PRICKLE2: variants seen among roughly 807,000 people sequenced by gnomAD.
The protein encoded by PRICKLE2 is prickle planar cell polarity protein 2, also known as prickle-like protein 2.
In PRICKLE2, 21 loss-of-function variants were observed where a neutral mutation model predicts 81.4. The observed-to-expected ratio is 0.26, with a 90% CI of 0.18 to 0.37. The LOEUF is 0.37. Ranked by LOEUF, PRICKLE2 falls within the 10% of genes least tolerant of loss-of-function variation. The probability of loss-of-function intolerance (pLI) is 1.00; values close to 1 mark genes in which losing one functional copy is unlikely to be tolerated. For missense variants in PRICKLE2, 940 were observed against 1,109.0 expected (o/e 0.85, Z 2.16); for synonymous variants, 456 against 421.5 (o/e 1.08, Z -1.00).
chr3:64,199,844 A>T (rs1167250878), intron 1 of PRICKLE2: 1 of 152,216 alleles, frequency 6.6e-6, no homozygotes, highest in Non-Finnish European at 1.5e-5. Flanking sequence ...TAGAGGAGGA[A>T]AATTTTAAGG....
Position 64,225,156 on chromosome 3 carries a change from T to C in PRICKLE2, c.-287A>G, listed in dbSNP as rs867607794. 3 of 985,338 alleles carry C rather than the reference T, an allele frequency of 3.0e-6. No homozygotes were observed. Among genetic ancestry groups the C allele is most frequent in the South Asian group, 9.4e-5 (2 of 21,288 alleles). 61.0% of individuals were successfully genotyped at this position (985,338 alleles called of 1,614,324 possible). ...AAACAGCACTGCTGGATCCAGACTC[T>C]GCTGGGGAATTCACCAAGCAAGAGA... On this transcript the variant is annotated 5_prime_UTR_variant, in exon 1 of 8. Transcript: ENST00000638394.
chr3:64,215,188 T>G (rs2008299), intron 1 of PRICKLE2, among the ~76,000 whole-genome samples: 53,282 of 151,964 alleles, frequency 0.35, 11,237 homozygotes, highest in Admixed American at 0.47. Flanking sequence ...ACCTGGTCTG[T>G]TCCTCTCTCC....
intron 2 of PRICKLE2, among the ~76,000 whole-genome samples, chr3:64,255,997 C>G (rs2079519270): frequency 6.6e-6 from 1 of 152,288 alleles, no homozygotes; most frequent in Non-Finnish European, 1.5e-5. Flanking sequence ...AAAAAGCAAG[C>G]TGGGTCTCTG....
In PRICKLE2 at chr3:64,097,608, T is replaced by C. The variant is rs1311577626; in HGVS notation, c.*1443A>G. 1 of 152,594 alleles carries C rather than the reference T, an allele frequency of 6.6e-6. No homozygotes were observed. The highest frequency in any genetic ancestry group is 1.5e-5 in the Non-Finnish European group (1 of 68,024). 9.5% of individuals were successfully genotyped at this position (152,594 alleles called of 1,614,324 possible). ...TTAAGCAAACTCACTTTTGAGCCCATTTTCTGACCAACAGTCCTCAAAGTT... is the reference window on the plus strand; with the variant it reads ...TTAAGCAAACTCACTTTTGAGCCCACTTTCTGACCAACAGTCCTCAAAGTT... On this transcript the variant is annotated 3_prime_UTR_variant, in exon 8 of 8. Coordinates refer to ENST00000638394, the MANE Select transcript of PRICKLE2 (RefSeq NM_198859.4).
At chr3:64,196,650 T>C (rs929573276) in intron 2 of PRICKLE2, among the ~76,000 whole-genome samples, 73 of 152,224 alleles carry the variant, frequency 4.8e-4, no homozygotes, top group Non-Finnish European at 9.1e-4. Context: ...TTGCCTTCAA[T>C]TCTCATGGAG....
Position 64,147,261 on chromosome 3 carries a change from T to C in PRICKLE2, c.1229A>G (p.Asn410Ser), listed in dbSNP as rs755822059. The part of the protein sequence containing the change: ...PYHYGNKMEQ[N>S]QTQSPLQLLS... ...GAGCTGCAGAGGGCTCTGGGTCTGG[T>C]TCTGCTCCATCTTGTTCCCATAATG... Residue 410 changes from asparagine to serine, a missense_variant, in exon 7 of 8, where the codon AAC (asparagine) becomes AGC (serine). Coordinates refer to ENST00000638394, the MANE Select transcript of PRICKLE2 (RefSeq NM_198859.4). The surrounding 1 kb of genome is among the most constrained non-coding windows in gnomAD (Gnocchi z 5.0). The C allele has an allele frequency of 1.2e-6, 2 of 1,610,866 alleles. No individual in the cohort carries two copies. The highest frequency in any genetic ancestry group is 2.2e-5 in the South Asian group (2 of 90,868).
intron 1 of PRICKLE2, among the ~76,000 whole-genome samples, chr3:64,207,405 C>G (rs778375512): frequency 2.6e-5 from 4 of 152,048 alleles, no homozygotes; most frequent in Admixed American, 1.3e-4. Flanking sequence ...TAAACAGAAA[C>G]AGCTGCTGGT....
At chr3:64,195,194 G>C (rs897803610) in intron 2 of PRICKLE2, among the ~76,000 whole-genome samples, 25 of 152,190 alleles carry the variant, frequency 1.6e-4, no homozygotes, top group Admixed American at 5.2e-4. Context: ...TTTCAGTTCA[G>C]TCATTAGAGA....
chr3:64,146,774 C>T lies in PRICKLE2; in HGVS notation c.1660+56G>A. The T allele has an allele frequency of 3.8e-6, 6 of 1,593,278 alleles. No homozygotes were observed. The South Asian group carries it at 5.5e-5, about 15-fold the overall frequency. On this transcript the variant is annotated intron_variant, in intron 7 of 7. Transcript: ENST00000638394. The stretch of plus-strand genomic sequence containing the variant: ...AAAAAAAATTCCTGGGGACCAGCAT[C>T]CAGTCACCCAGAGACTACCCCCTTT...
At position 64,093,525 on chromosome 3, in the gene PRICKLE2, G is replaced by A. The variant is rs1038807366; in HGVS notation, c.*5526C>T. The A allele has an allele frequency of 2.0e-5, 3 of 152,008 alleles. No homozygotes were observed. The highest frequency in any genetic ancestry group is 7.2e-5 in the African/African-American group (3 of 41,386). The allele number at this position is 152,008 out of a possible 1,614,324, so 9.4% of individuals were successfully genotyped here. A position where few individuals can be genotyped will look rare whatever the true frequency, so the allele number is the denominator to read the frequency against. On this transcript the variant is annotated 3_prime_UTR_variant, in exon 8 of 8. Coordinates refer to ENST00000638394, the MANE Select transcript of PRICKLE2 (RefSeq NM_198859.4). ...TTGCTCCACATCCTCACCCACATTT[G>A]TTGTTATTTTTAATAACTGCCATCC...
In PRICKLE2 at chr3:64,094,928, T is replaced by A. The variant is rs1387586380; in HGVS notation, c.*4123A>T. ...CCTGAAGGTGCAAAACAGTTGCTAATAGCAACTGTCCTGGCATGAAGTATT... is the reference window on the plus strand; with the variant it reads ...CCTGAAGGTGCAAAACAGTTGCTAAAAGCAACTGTCCTGGCATGAAGTATT... On this transcript the variant is annotated 3_prime_UTR_variant, in exon 8 of 8. Coordinates refer to ENST00000638394, the MANE Select transcript of PRICKLE2 (RefSeq NM_198859.4). 2 of 152,680 alleles carry A rather than the reference T, an allele frequency of 1.3e-5. No individual in the cohort carries two copies. The highest frequency in any genetic ancestry group is 4.8e-5 in the African/African-American group (2 of 41,470). 9.5% of individuals were successfully genotyped at this position (152,680 alleles called of 1,614,324 possible). A position where few individuals can be genotyped will look rare whatever the true frequency, so the allele number is the denominator to read the frequency against.
At chr3:64,233,811 C>G (rs528413599) in intron 2 of PRICKLE2, among the ~76,000 whole-genome samples, 1 of 152,300 alleles carries the variant, frequency 6.6e-6, no homozygotes, top group South Asian at 2.1e-4. Flanking sequence ...AAGAAACCCT[C>G]TAGTAAGCAG....
chr3:64,217,512 T>C (rs1371114360), intron 1 of PRICKLE2, among the ~76,000 whole-genome samples: 5 of 152,292 alleles, frequency 3.3e-5, no homozygotes, highest in South Asian at 4.1e-4. Flanking sequence ...TAAGAACGAA[T>C]AAAATACAGA....
rs148689951 is a variant in PRICKLE2 at position 64,099,395 on chromosome 3, T to C, written c.2191A>G (p.Ser731Gly). The C allele has an allele frequency of 1.5e-4, 240 of 1,601,222 alleles. 1 individual carries two copies. In the African/African-American group the frequency reaches 3.1e-3, roughly 21 times the overall value. The change falls in exon 8 of 8, where the codon AGC (serine) becomes GGC (glycine). Residue 731 changes from serine to glycine, a missense_variant. Around this residue, in one of 2 missense-constraint regions of PRICKLE2, gnomAD observed 670 missense variants for 717.2 expected, o/e 0.93. Transcript: ENST00000638394. The surrounding 1 kb of genome is among the most constrained non-coding windows in gnomAD (Gnocchi z 4.3). ...EDYDQFMRQR[S>G]FQESMGHGSR... The stretch of plus-strand genomic sequence containing the variant: ...CCATGCCCCATGCTCTCCTGGAAGC[T>C]CCGCTGGCGCATAAATTGGTCATAG...
At chr3:64,163,296 C>T (rs908254916) in intron 2 of PRICKLE2, 167 bp from the exon 3 acceptor site, 1 of 669,418 alleles carries the variant, frequency 1.5e-6, no homozygotes, top group Non-Finnish European at 2.7e-6. Context: ...CAGAGAAATT[C>T]ATCCTTAAAG....
chr3:64,254,305 A>G (rs557353753), intron 2 of PRICKLE2, among the ~76,000 whole-genome samples: 3 of 152,364 alleles, frequency 2.0e-5, no homozygotes, highest in Admixed American at 6.5e-5. Flanking sequence ...TCAGGAATAC[A>G]GTGGAAAGAG....
At chr3:64,229,223 G>C (rs2079068825), upstream of PRICKLE2, among the ~76,000 whole-genome samples, 1 of 152,138 alleles carries the variant, frequency 6.6e-6, no homozygotes, top group African/African-American at 2.4e-5. Context: ...ATAACAAAGA[G>C]ACAGCTCCAT....
chr3:64,254,735 C>T (rs1183342850), intron 2 of PRICKLE2, among the ~76,000 whole-genome samples: 1 of 152,184 alleles, frequency 6.6e-6, no homozygotes, highest in Non-Finnish European at 1.5e-5. Flanking sequence ...CTGTTGTAAA[C>T]CCACATGTTT....
chr3:64,224,108 G>T (rs2078997073), intron 1 of PRICKLE2, among the ~76,000 whole-genome samples: 1 of 152,166 alleles, frequency 6.6e-6, no homozygotes, highest in South Asian at 2.1e-4. Context: ...GCCACATTTG[G>T]ACCAGCGGAT....
Sources: allele counts gnomAD v4.1 joint callset (sites outside exome capture counted in the v4.1 genomes callset), GRCh38; gene constraint gnomAD v4.1.1; regional missense constraint gnomAD v4.1.1; non-coding constraint Gnocchi (gnomAD v3.1); transcripts MANE v1.5; gene names NCBI Gene and HGNC (gene_info 2026-07-23, HGNC 2026-07-21).